Variants in ANO3 observed in about 807,000 individuals in gnomAD.
ANO3 encodes the protein anoctamin-3.
A neutral mutation model predicts 144.8 loss-of-function variants in ANO3; 99 were observed. The ratio of observed to expected loss-of-function variants is 0.68; its 90% CI spans 0.58 to 0.81. The LOEUF (loss-of-function observed/expected upper bound fraction) is 0.81. Ranked by LOEUF, ANO3 falls within the 30% of genes least tolerant of loss-of-function variation. The pLI is 0.00. For synonymous variants in ANO3, 414 were observed against 392.6 expected, an observed-to-expected ratio of 1.05 and a Z score of -0.64; for missense variants, 905 against 1,202.2, an observed-to-expected ratio of 0.75 and a Z score of 3.66.
At chr11:26,328,298 T>C (rs1854941999), upstream of ANO3, among the ~76,000 whole-genome samples, 1 of 152,254 alleles carries the variant, frequency 6.6e-6, no homozygotes, top group South Asian at 2.1e-4. Context: ...CACTCCATTT[T>C]TCCTTTTATG....
intron 1 of ANO3, among the ~76,000 whole-genome samples, chr11:26,220,295 T>C (rs961187513): frequency 6.6e-6 from 1 of 152,134 alleles, no homozygotes; most frequent in Non-Finnish European, 1.5e-5. Context: ...CCCATGAAGA[T>C]CCTTACTATA....
intron 1 of ANO3, among the ~76,000 whole-genome samples, chr11:26,283,827 C>G (rs2133846908): frequency 6.6e-6 from 1 of 152,202 alleles, no homozygotes; most frequent in South Asian, 2.1e-4. Flanking sequence ...AACGAATGCC[C>G]TGATGGGAAC....
chr11:26,225,097 G>C (rs1202947807), intron 1 of ANO3, among the ~76,000 whole-genome samples: 1 of 152,132 alleles, frequency 6.6e-6, no homozygotes, highest in Non-Finnish European at 1.5e-5. Flanking sequence ...TCTTAAATCT[G>C]CATAATCTTT....
At chr11:26,515,190 A>C (rs183154871) in intron 5 of ANO3, among the ~76,000 whole-genome samples, 22 of 152,176 alleles carry the variant, frequency 1.4e-4, no homozygotes, top group African/African-American at 5.1e-4. Context: ...TTAAATAGGA[A>C]AAGTCCTTTG....
chr11:26,223,368 A>G (rs1367855539), intron 1 of ANO3, among the ~76,000 whole-genome samples: 1 of 152,008 alleles, frequency 6.6e-6, no homozygotes, highest in Non-Finnish European at 1.5e-5. Flanking sequence ...GACCTCATAA[A>G]CCTGGCATTC....
rs369401544 is a variant in ANO3 at position 26,525,581 on chromosome 11, G to A, written c.693-54G>A. ...TATGATTGAATGTTGTCACTCACTC[G>A]TATCACTTTATTTTCCTGTGGCTTT... On this transcript the variant is annotated intron_variant, in intron 6 of 26. Transcript: ENST00000256737. 4.9e-5 allele frequency: 69 copies of A among 1,407,504 alleles called. No individual in the cohort carries two copies. In the Middle Eastern group the frequency reaches 5.3e-4, roughly 11 times the overall value. 87.2% of individuals were successfully genotyped at this position (1,407,504 alleles called of 1,614,324 possible).
chr11:26,415,601 TGTC>T (rs1331982067), intron 1 of ANO3, among the ~76,000 whole-genome samples: 6 of 152,218 alleles, frequency 3.9e-5, no homozygotes, highest in Non-Finnish European at 5.9e-5. Context: ...AGAGCTTACA[TGTC>T]CTTATTTATT....
intron 4 of ANO3, among the ~76,000 whole-genome samples, chr11:26,470,373 C>G (rs1179274445): frequency 6.7e-6 from 1 of 148,838 alleles, no homozygotes; most frequent in Non-Finnish European, 1.5e-5. Context: ...GGTTATACAA[C>G]TGCATTCCAA....
intron 3 of ANO3, among the ~76,000 whole-genome samples, chr11:26,448,805 A>G (rs1858806708): frequency 6.6e-6 from 1 of 152,108 alleles, no homozygotes; most frequent in Non-Finnish European, 1.5e-5. Context: ...TCTTGCCTCA[A>G]TTTTCAAAAT....
intron 13 of ANO3, among the ~76,000 whole-genome samples, chr11:26,556,445 C>A (rs1484964173): frequency 1.3e-5 from 2 of 151,034 alleles, no homozygotes; most frequent in Admixed American, 1.3e-4. Flanking sequence ...AGAAGCTGTT[C>A]TTTTCAAGAA....
At chr11:26,309,807 G>A (rs895750508) in intron 1 of ANO3, 4 of 576,318 alleles carry the variant, frequency 6.9e-6, no homozygotes, top group Non-Finnish European at 8.8e-6. Context: ...TTTACAGGGG[G>A]GGTGAAAATT....
intron 2 of ANO3, among the ~76,000 whole-genome samples, chr11:26,442,407 A>G (rs1858552005): frequency 6.6e-6 from 1 of 152,236 alleles, no homozygotes; most frequent in Non-Finnish European, 1.5e-5. Flanking sequence ...CTTGTTGATG[A>G]GTAACATTCC....
At chr11:26,475,609 A>C (rs189059722) in intron 4 of ANO3, among the ~76,000 whole-genome samples, 5 of 152,166 alleles carry the variant, frequency 3.3e-5, no homozygotes, top group Admixed American at 6.6e-5. Flanking sequence ...ATACATACTC[A>C]GCTATCAGTA....
chr11:26,600,379 C>T (rs1298906801), intron 17 of ANO3, among the ~76,000 whole-genome samples: 1 of 67,284 alleles, frequency 1.5e-5, no homozygotes, highest in African/African-American at 6.8e-5. Flanking sequence ...CCCCTCTTCT[C>T]TCCCCTCTCC....
upstream of ANO3, chr11:26,331,704 T>C (rs1276772023): frequency 6.5e-6 from 1 of 152,948 alleles, no homozygotes; most frequent in Non-Finnish European, 1.5e-5. Flanking sequence ...GCTTACCTAA[T>C]AAAACATGCT....
intron 18 of ANO3, among the ~76,000 whole-genome samples, chr11:26,626,638 A>G (rs1389455): frequency 0.77 from 117,474 of 152,036 alleles, 46,142 homozygotes; most frequent in Non-Finnish European, 0.85. Flanking sequence ...AATCCTAGTG[A>G]CAAACCTCCA....
intron 1 of ANO3, among the ~76,000 whole-genome samples, chr11:26,372,897 T>C (rs542288094): frequency 2.0e-4 from 30 of 152,108 alleles, no homozygotes; most frequent in Non-Finnish European, 3.4e-4. Flanking sequence ...TTTTCAAACA[T>C]GTTGTGTGGA....
chr11:26,331,984 C>A (rs1304577459), upstream of ANO3: 11 of 704,758 alleles, frequency 1.6e-5, no homozygotes. Context: ...CCACTCCCAG[C>A]CAACCCCGCT....
upstream of ANO3, among the ~76,000 whole-genome samples, chr11:26,308,814 T>C (rs1467033686): frequency 1.3e-5 from 2 of 152,250 alleles, no homozygotes; most frequent in Non-Finnish European, 2.9e-5. Context: ...TTGCTACCAC[T>C]TGCTGAATAC....
Sources: gnomAD v4.1 joint callset for allele counts (sites outside exome capture counted in the v4.1 genomes callset) on GRCh38, gnomAD v4.1.1 for gene constraint, MANE v1.5 for transcripts, NCBI Gene and HGNC (gene_info 2026-07-23, HGNC 2026-07-21) for gene names.